Variants in PDE1A observed in about 807,000 individuals in gnomAD.
The protein encoded by PDE1A is dual specificity calcium/calmodulin-dependent 3',5'-cyclic nucleotide phosphodiesterase 1A.
Under a neutral mutation model 61.7 loss-of-function variants are expected in PDE1A, and 35 were observed. That is an observed-to-expected ratio of 0.57 (90% CI 0.43 to 0.75). The LOEUF (loss-of-function observed/expected upper bound fraction) is 0.75, where lower values mean the gene tolerates loss of function less well. Among genes scored for constraint, PDE1A ranks in the 30% least tolerant of loss-of-function variants. PDE1A has a pLI of 0.00. For synonymous variants in PDE1A, 232 were observed against 213.2 expected (o/e 1.09, Z -0.77); for missense variants, 597 against 630.6 (o/e 0.95, Z 0.57).
At chr2:182,280,829 T>G (rs1383160771) in intron 1 of PDE1A, among the ~76,000 whole-genome samples, 1 of 151,800 alleles carries the variant, frequency 6.6e-6, no homozygotes, top group African/African-American at 2.4e-5. Flanking sequence ...AAGATTTTAT[T>G]TTTTTTGCTG....
the PDE1A span, among the ~76,000 whole-genome samples, chr2:182,704,091 G>C: frequency 6.6e-6 from 1 of 150,938 alleles, no homozygotes; most frequent in Admixed American, 6.6e-5. Flanking sequence ...GGCACCTGTA[G>C]TCCCAGCTAC....
At chr2:182,381,813 AAATAATAATAAT>A (rs570944722) in intron 1 of PDE1A, among the ~76,000 whole-genome samples, 2 of 151,134 alleles carry the variant, frequency 1.3e-5, no homozygotes, top group African/African-American at 4.9e-5. Context: ...CTCTGTCTCA[AAATAATAATAAT>A]AATAATAATA....
chr2:182,465,144 C>T (rs1303171521), intron 2 of PDE1A, among the ~76,000 whole-genome samples: 6 of 151,966 alleles, frequency 3.9e-5, no homozygotes, highest in African/African-American at 9.7e-5. Context: ...GGAACAGTGC[C>T]TTTATTTCAT....
At chr2:182,545,245 G>A in the PDE1A span, among the ~76,000 whole-genome samples, 3 of 152,094 alleles carry the variant, frequency 2.0e-5, no homozygotes, top group East Asian at 1.9e-4. Flanking sequence ...TCATGGCTCC[G>A]GATCCCACTG....
intron 1 of PDE1A, among the ~76,000 whole-genome samples, chr2:182,264,789 C>T (rs1692484730): frequency 6.7e-6 from 1 of 148,572 alleles, no homozygotes; most frequent in Non-Finnish European, 1.5e-5. Context: ...TCAAAGGACA[C>T]TCTTCTTAAT....
At chr2:182,532,973 A>AAAAC in the PDE1A span, among the ~76,000 whole-genome samples, 1 of 148,434 alleles carries the variant, frequency 6.7e-6, no homozygotes, top group African/African-American at 2.5e-5. Context: ...AAAAAAAAAA[A>AAAAC]CAATGAATTT....
chr2:182,631,420 T>G, the PDE1A span, among the ~76,000 whole-genome samples: 2 of 152,208 alleles, frequency 1.3e-5, no homozygotes, highest in Non-Finnish European at 2.9e-5. Flanking sequence ...TAACTCATCA[T>G]CTCGCATTAG....
At chr2:182,485,984 C>T (rs1687997792) in intron 2 of PDE1A, among the ~76,000 whole-genome samples, 1 of 151,894 alleles carries the variant, frequency 6.6e-6, no homozygotes, top group Non-Finnish European at 1.5e-5. Flanking sequence ...AGAGCAATTA[C>T]AGGCATACAA....
chr2:182,574,007 G>A, the PDE1A span, among the ~76,000 whole-genome samples: 6 of 145,852 alleles, frequency 4.1e-5, no homozygotes, highest in South Asian at 2.2e-4. Flanking sequence ...ATATATATAC[G>A]GAGTTTATTA....
chr2:182,353,344 G>A (rs984748706), intron 1 of PDE1A, among the ~76,000 whole-genome samples: 1 of 152,164 alleles, frequency 6.6e-6, no homozygotes, highest in Non-Finnish European at 1.5e-5. Context: ...AAATGCAAAT[G>A]TAGGCTCACT....
chr2:182,600,976 C>T, the PDE1A span, among the ~76,000 whole-genome samples: 1 of 152,302 alleles, frequency 6.6e-6, no homozygotes, highest in East Asian at 1.9e-4. Context: ...AAAGCCAAGG[C>T]TAGTCTGCTA....
At chr2:182,503,995 T>A (rs11678901) in intron 2 of PDE1A, among the ~76,000 whole-genome samples, 7,925 of 152,286 alleles carry the variant, frequency 0.052, 250 homozygotes, top group Middle Eastern at 0.099. Flanking sequence ...TTCCAAAGTA[T>A]CTCAATGTTT....
the PDE1A span, among the ~76,000 whole-genome samples, chr2:182,587,666 G>A: frequency 3.2e-4 from 49 of 152,060 alleles, no homozygotes; most frequent in Non-Finnish European, 5.9e-4. Context: ...ATGGCTGATC[G>A]GGTTTAGACA....
intron 7 of PDE1A, among the ~76,000 whole-genome samples, chr2:182,221,662 T>C (rs992543675): frequency 1.3e-5 from 2 of 151,960 alleles, no homozygotes; most frequent in Non-Finnish European, 2.9e-5. Context: ...TTGCAACTCT[T>C]CCTCTGTCTC....
chr2:182,624,164 T>C, the PDE1A span, among the ~76,000 whole-genome samples: 1 of 151,984 alleles, frequency 6.6e-6, no homozygotes, highest in Non-Finnish European at 1.5e-5. Flanking sequence ...GTTTTGGTTT[T>C]ATTCCCATTT....
At chr2:182,450,343 T>C (rs550038942) in intron 2 of PDE1A, among the ~76,000 whole-genome samples, 1 of 152,182 alleles carries the variant, frequency 6.6e-6, no homozygotes, top group South Asian at 2.1e-4. Flanking sequence ...AAGTGCCACA[T>C]TGAGCTAGAA....
intron 1 of PDE1A, among the ~76,000 whole-genome samples, chr2:182,345,461 T>C (rs1458952491): frequency 1.3e-5 from 2 of 152,204 alleles, no homozygotes; most frequent in Non-Finnish European, 2.9e-5. Context: ...AGCAGTCAGA[T>C]TCTCTGCCAA....
At chr2:182,223,179 A>T (rs1688866901) in intron 7 of PDE1A, among the ~76,000 whole-genome samples, 1 of 152,022 alleles carries the variant, frequency 6.6e-6, no homozygotes, top group Non-Finnish European at 1.5e-5. Context: ...ATGTGAAGAC[A>T]CAGCAAAAAG....
At chr2:182,698,805 A>C in the PDE1A span, among the ~76,000 whole-genome samples, 1 of 152,284 alleles carries the variant, frequency 6.6e-6, no homozygotes, top group South Asian at 2.1e-4. Flanking sequence ...GTCTATCACC[A>C]AGGCAAAGGG....
Sources: gnomAD v4.1 joint callset for allele counts (sites outside exome capture counted in the v4.1 genomes callset) on GRCh38, gnomAD v4.1.1 for gene constraint, MANE v1.5 for transcripts, NCBI Gene and HGNC (gene_info 2026-07-23, HGNC 2026-07-21) for gene names.